CMIP: variants seen among roughly 807,000 people sequenced by gnomAD.
CMIP encodes the protein c-Maf inducing protein.
A neutral mutation model predicts 97.3 loss-of-function variants in CMIP; 13 were observed. The observed-to-expected ratio is 0.13, with a 90% CI of 0.09 to 0.21. The LOEUF is 0.21. Among genes scored for constraint, CMIP ranks in the 10% least tolerant of loss-of-function variants. The pLI, the probability that CMIP is intolerant of heterozygous loss-of-function variation, is 1.00. For missense variants in CMIP, 847 were observed against 1,024.9 expected (o/e 0.83, Z 2.37); for synonymous variants, 538 against 436.3 (o/e 1.23, Z -2.91).
intron 9 of CMIP, 142 bp downstream of exon 9, chr16:81,672,212 G>T (rs2092689459): frequency 5.4e-6 from 3 of 554,702 alleles, no homozygotes; most frequent in South Asian, 2.5e-5. Flanking sequence ...GTGTTTGCCA[G>T]TTCCCCTGGG....
intron 1 of CMIP, among the ~76,000 whole-genome samples, chr16:81,560,167 AG>A (rs1345201554): frequency 6.0e-5 from 9 of 149,056 alleles, no homozygotes; most frequent in African/African-American, 2.2e-4. Flanking sequence ...AAAAAGAAAA[AG>A]AAAAAAAGTT....
intron 2 of CMIP, chr16:81,617,147 A>G (rs1418946673): frequency 6.6e-6 from 1 of 152,276 alleles, no homozygotes; most frequent in African/African-American, 2.4e-5. Flanking sequence ...CAAACACATC[A>G]GAATGTCCAC....
At chr16:81,565,126 A>G (rs1489970587) in intron 1 of CMIP, among the ~76,000 whole-genome samples, 1 of 152,120 alleles carries the variant, frequency 6.6e-6, no homozygotes, top group Non-Finnish European at 1.5e-5. Flanking sequence ...GGGGAATGGC[A>G]TGGTAACCAT....
chr16:81,484,644 G>A (rs2089287645), intron 1 of CMIP, among the ~76,000 whole-genome samples: 1 of 152,162 alleles, frequency 6.6e-6, no homozygotes, highest in Admixed American at 6.5e-5. Flanking sequence ...GGTGCGCACA[G>A]ACCCGGCTAG....
In CMIP at chr16:81,652,965, A is replaced by T. The variant is rs533386031; in HGVS notation, c.639+601A>T. Among the ~76,000 whole-genome samples, 1 of 151,674 alleles carries T rather than the reference A, an allele frequency of 6.6e-6. No individual in the cohort carries two copies. The highest frequency in any genetic ancestry group is 1.9e-4 in the East Asian group (1 of 5,154). ...GAATTCAAGCAAAGACAAGCCCCCTACCCCCCTGGAGCTTGTGTCCCGGCA... is the reference window on the plus strand; with the variant it reads ...GAATTCAAGCAAAGACAAGCCCCCTTCCCCCCTGGAGCTTGTGTCCCGGCA... On this transcript the variant is annotated intron_variant, in intron 4 of 20. Transcript: ENST00000537098. The surrounding 1 kb of genome is among the most constrained non-coding windows in gnomAD (Gnocchi z 5.2).
chr16:81,683,756 C>CTTT (rs71272426), intron 10 of CMIP, among the ~76,000 whole-genome samples: 144 of 81,604 alleles, frequency 1.8e-3, no homozygotes, highest in Non-Finnish European at 2.1e-3. Flanking sequence ...TTTTCTTTTT[C>CTTT]TTTTTTTTTT....
At chr16:81,708,116 A>G (rs1908354106) in intron 20 of CMIP, among the ~76,000 whole-genome samples, 1 of 152,230 alleles carries the variant, frequency 6.6e-6, no homozygotes, top group African/African-American at 2.4e-5. Flanking sequence ...TGGCAGGCAC[A>G]GGCAAGCTCA....
At chr16:81,543,021 G>A (rs1277711128) in intron 1 of CMIP, among the ~76,000 whole-genome samples, 1 of 152,204 alleles carries the variant, frequency 6.6e-6, no homozygotes, top group African/African-American at 2.4e-5. Context: ...GAGGCCGCTT[G>A]GGAGCCAGTC....
At position 81,709,914 on chromosome 16, in the gene CMIP, A is replaced by G; in HGVS notation, c.*115A>G. On this transcript the variant is annotated 3_prime_UTR_variant, in exon 21 of 21. Transcript: ENST00000537098. ...CCCTGGTGCCCTGGCTGTGAGATAG[A>G]TGGGGAGTCTTTCTGGGGGCGGAGG... The G allele has an allele frequency of 4.9e-6, 1 of 202,560 alleles. No individual in the cohort carries two copies. Among genetic ancestry groups the G allele is most frequent in the East Asian group, 2.6e-4 (1 of 3,826 alleles). 12.5% of individuals were successfully genotyped at this position (202,560 alleles called of 1,614,324 possible). A position where few individuals can be genotyped will look rare whatever the true frequency, so the allele number is the denominator to read the frequency against.
rs1183052324 is a variant in CMIP, at chr16:81,504,696, CTGCAGCCCA to C, written c.300+59156_300+59164del. Among the ~76,000 whole-genome samples, 27 of 150,602 alleles carry C rather than the reference CTGCAGCCCA, an allele frequency of 1.8e-4. No individual in the cohort carries two copies. In the East Asian group the frequency reaches 5.3e-3, roughly 29 times the overall value. ...AGAAAAGAAAAAATGGCCGGTGGGCCTGCAGCCCACCTGTGCTGTGTGTGCTCCACGGTC... is the reference window on the plus strand; with the variant it reads ...AGAAAAGAAAAAATGGCCGGTGGGCCCCTGTGCTGTGTGTGCTCCACGGTC... On this transcript the variant is annotated intron_variant, in intron 1 of 20. Transcript: ENST00000537098.
At chr16:81,493,884 C>T (rs541931382) in intron 1 of CMIP, among the ~76,000 whole-genome samples, 12 of 152,306 alleles carry the variant, frequency 7.9e-5, no homozygotes, top group Non-Finnish European at 1.2e-4. Context: ...GTGACTCACG[C>T]GGCCTGTCAC....
chr16:81,667,813 T>A (rs1180318141), intron 7 of CMIP, among the ~76,000 whole-genome samples: 65 of 145,778 alleles, frequency 4.5e-4, no homozygotes, highest in African/African-American at 1.3e-3. Context: ...TGTGTGTGTG[T>A]GTGTGTGTGT....
Position 81,655,861 on chromosome 16 carries a change from A to T in CMIP, c.640-1914A>T, listed in dbSNP as rs1235746046. ...CTTAGGCAGCTGATCAGTCAATGGG[A>T]TAGTAGAGAACCTGTCATAATCAAA... On this transcript the variant is annotated intron_variant, in intron 4 of 20. Transcript: ENST00000537098. This position sits in a 1 kb window ranked among gnomAD's most constrained non-coding sequence, Gnocchi z 4.9. Among the ~76,000 whole-genome samples the T allele has an allele frequency of 1.3e-5, 2 of 152,160 alleles. No homozygotes were observed. Among genetic ancestry groups the T allele is most frequent in the Admixed American group, 1.3e-4 (2 of 15,278 alleles).
At chr16:81,663,097 CAAA>C (rs5818346) in intron 6 of CMIP, among the ~76,000 whole-genome samples, 1,867 of 144,780 alleles carry the variant, frequency 0.013, 44 homozygotes, top group African/African-American at 0.044. Context: ...TTTTTAACTC[CAAA>C]AAAAAAAAAA....
chr16:81,584,001 G>A (rs2091339736), intron 1 of CMIP, among the ~76,000 whole-genome samples: 1 of 152,204 alleles, frequency 6.6e-6, no homozygotes, highest in Non-Finnish European at 1.5e-5. Flanking sequence ...GTAGGATAGA[G>A]GGCAAGGGAA....
chr16:81,628,681 C>G (rs1320589156), intron 3 of CMIP, among the ~76,000 whole-genome samples: 1 of 152,146 alleles, frequency 6.6e-6, no homozygotes, highest in Non-Finnish European at 1.5e-5. Flanking sequence ...TACACAGACA[C>G]ACGCTACCCA....
chr16:81,611,941 G>C (rs796187400), intron 2 of CMIP, among the ~76,000 whole-genome samples: 4 of 152,186 alleles, frequency 2.6e-5, no homozygotes, highest in Admixed American at 6.5e-5. Flanking sequence ...GCCTTCCAGC[G>C]TGGGTCCAGT....
intron 1 of CMIP, among the ~76,000 whole-genome samples, chr16:81,575,461 C>G (rs560116679): frequency 2.0e-5 from 3 of 152,134 alleles, no homozygotes; most frequent in Non-Finnish European, 4.4e-5. Context: ...AAAACATTGT[C>G]CCGAGTCGAG....
intron 4 of CMIP, among the ~76,000 whole-genome samples, chr16:81,657,009 G>A (rs2092490549): frequency 6.6e-6 from 1 of 151,784 alleles, no homozygotes; most frequent in Non-Finnish European, 1.5e-5. Context: ...CTCAGACTAG[G>A]TTGCTCAACT....
Sources: gnomAD v4.1 joint callset for allele counts (sites outside exome capture counted in the v4.1 genomes callset) on GRCh38, gnomAD v4.1.1 for gene constraint, Gnocchi (gnomAD v3.1) non-coding constraint, MANE v1.5 for transcripts, NCBI Gene and HGNC (gene_info 2026-07-23, HGNC 2026-07-21) for gene names.